INPP4B: variants seen among roughly 807,000 people sequenced by gnomAD.
The protein encoded by INPP4B is inositol polyphosphate 4-phosphatase type II.
Under a neutral mutation model 122.5 loss-of-function variants are expected in INPP4B, and 55 were observed. The ratio of observed to expected loss-of-function variants is 0.45; its 90% CI spans 0.36 to 0.56. The LOEUF is 0.56. Among genes scored for constraint, INPP4B ranks in the 20% least tolerant of loss-of-function variants. The probability of loss-of-function intolerance (pLI) is 0.00; values close to 1 mark genes in which losing one functional copy is unlikely to be tolerated. For synonymous variants in INPP4B, 403 were observed against 388.7 expected (o/e 1.04, Z -0.43); for missense variants, 1,000 against 1,097.7 (o/e 0.91, Z 1.26).
intron 7 of INPP4B, among the ~76,000 whole-genome samples, chr4:142,345,679 T>C (rs1780083756): frequency 6.6e-6 from 1 of 151,986 alleles, no homozygotes; most frequent in African/African-American, 2.4e-5. Context: ...TTAAGTGGTT[T>C]AATTCCCATA....
At chr4:142,360,115 C>T (rs1209676901) in intron 7 of INPP4B, among the ~76,000 whole-genome samples, 1 of 151,696 alleles carries the variant, frequency 6.6e-6, no homozygotes, top group East Asian at 1.9e-4. Flanking sequence ...TAATTTTAAC[C>T]ATAAAATGGC....
chr4:142,757,136 C>A (rs374932669), intron 1 of INPP4B, among the ~76,000 whole-genome samples: 47 of 152,126 alleles, frequency 3.1e-4, no homozygotes, highest in Admixed American at 1.2e-3. Flanking sequence ...GTTTTATGTT[C>A]ACAGCAGAAT....
intron 2 of INPP4B, among the ~76,000 whole-genome samples, chr4:142,694,304 CAG>C (rs943844746): frequency 6.7e-6 from 1 of 149,494 alleles, no homozygotes; most frequent in African/African-American, 2.5e-5. Context: ...ACCCAGGAAA[CAG>C]TGGTTGCAGT....
chr4:142,380,229 C>T (rs1002499125), intron 7 of INPP4B, among the ~76,000 whole-genome samples: 3 of 152,178 alleles, frequency 2.0e-5, no homozygotes, highest in African/African-American at 4.8e-5. Context: ...TGCAGATCTT[C>T]GCATTCCCTT....
At position 142,335,659 on chromosome 4, in the gene INPP4B, A is replaced by G. The variant is rs145674492; in HGVS notation, c.373-20897T>C. 4.3e-3 allele frequency among the ~76,000 whole-genome samples: 648 copies of G among 152,354 alleles called. 7 individuals are homozygous for G. Among genetic ancestry groups the G allele is most frequent in the African/African-American group, 0.015 (606 of 41,590 alleles). On this transcript the variant is annotated intron_variant, in intron 7 of 25. Coordinates refer to ENST00000262992, the MANE Select transcript of INPP4B (RefSeq NM_001101669.3). ...GTGACACTAAGCACCCTTAGGAGATAGGCAGAGTCAATCATCAAAGGGCAG... is the reference window on the plus strand; with the variant it reads ...GTGACACTAAGCACCCTTAGGAGATGGGCAGAGTCAATCATCAAAGGGCAG...
chr4:142,034,217 C>T (rs1056534791), intron 25 of INPP4B, among the ~76,000 whole-genome samples: 11 of 152,102 alleles, frequency 7.2e-5, no homozygotes, highest in African/African-American at 2.7e-4. Context: ...AGTTTACAAC[C>T]AAGTGATGTT....
chr4:142,551,431 G>A (rs1727956983), intron 2 of INPP4B, among the ~76,000 whole-genome samples: 1 of 152,140 alleles, frequency 6.6e-6, no homozygotes, highest in Non-Finnish European at 1.5e-5. Flanking sequence ...GAGAGGGAGG[G>A]TAAAGAGACA....
At chr4:142,191,800 AC>A (rs1835947557) in intron 15 of INPP4B, among the ~76,000 whole-genome samples, 1 of 152,218 alleles carries the variant, frequency 6.6e-6, no homozygotes, top group African/African-American at 2.4e-5. Context: ...CAAAAAGCAA[AC>A]AAAAATGAAC....
At chr4:142,617,710 T>C (rs1744018692) in intron 2 of INPP4B, among the ~76,000 whole-genome samples, 1 of 152,054 alleles carries the variant, frequency 6.6e-6, no homozygotes, top group African/African-American at 2.4e-5. Context: ...ACAGCACAGA[T>C]GAAAAGGGAG....
intron 2 of INPP4B, chr4:142,654,819 A>G (rs1753822813): frequency 6.6e-6 from 1 of 152,232 alleles, no homozygotes; most frequent in Non-Finnish European, 1.5e-5. Context: ...GGTGGTTAAA[A>G]TAGTAAATAA....
chr4:142,382,564 TTTATATA>T (rs1002638721), intron 7 of INPP4B, among the ~76,000 whole-genome samples: 7 of 111,770 alleles, frequency 6.3e-5, no homozygotes, highest in South Asian at 4.6e-4. Context: ...TACATTTATG[TTTATATA>T]TTATATATTA....
At chr4:142,553,488 C>T (rs1013230788) in intron 2 of INPP4B, among the ~76,000 whole-genome samples, 9 of 152,162 alleles carry the variant, frequency 5.9e-5, no homozygotes, top group African/African-American at 2.2e-4. Flanking sequence ...GATTACCCCA[C>T]ATGACAAGCC....
chr4:142,364,898 C>A (rs891870869), intron 7 of INPP4B, among the ~76,000 whole-genome samples: 1 of 152,094 alleles, frequency 6.6e-6, no homozygotes, highest in Admixed American at 6.6e-5. Flanking sequence ...CAAGGGACAA[C>A]TAACTGTACC....
chr4:142,357,446 G>C, intron 7 of INPP4B, among the ~76,000 whole-genome samples: 1 of 151,990 alleles, frequency 6.6e-6, no homozygotes, highest in Non-Finnish European at 1.5e-5. Flanking sequence ...TGTTGAGTGT[G>C]AGTGTGAATA....
intron 12 of INPP4B, among the ~76,000 whole-genome samples, chr4:142,213,397 T>C (rs1445330203): frequency 6.6e-6 from 1 of 152,168 alleles, no homozygotes; most frequent in Admixed American, 6.5e-5. Context: ...AGGGAGGCCA[T>C]GTCCTGGGTC....
intron 2 of INPP4B, among the ~76,000 whole-genome samples, chr4:142,619,292 G>T (rs1744374442): frequency 6.6e-6 from 1 of 151,956 alleles, no homozygotes; most frequent in Non-Finnish European, 1.5e-5. Context: ...CCACTCCCAT[G>T]CTCACTGAGC....
At chr4:142,229,874 A>G (rs1224712367) in intron 12 of INPP4B, among the ~76,000 whole-genome samples, 2 of 152,204 alleles carry the variant, frequency 1.3e-5, no homozygotes, top group African/African-American at 4.8e-5. Context: ...AAAATTCTAA[A>G]TTACTGCTAA....
At chr4:142,552,048 A>G (rs1486359211) in intron 2 of INPP4B, among the ~76,000 whole-genome samples, 1 of 152,188 alleles carries the variant, frequency 6.6e-6, no homozygotes, top group Non-Finnish European at 1.5e-5. Flanking sequence ...CAATTGACTC[A>G]GCATCAACCA....
At chr4:142,370,282 C>T (rs1384879930) in intron 7 of INPP4B, among the ~76,000 whole-genome samples, 1 of 152,146 alleles carries the variant, frequency 6.6e-6, no homozygotes, top group Non-Finnish European at 1.5e-5. Context: ...TACTGACCCA[C>T]TCTCATGAAG....
Sources: allele counts gnomAD v4.1 joint callset (sites outside exome capture counted in the v4.1 genomes callset), GRCh38; gene constraint gnomAD v4.1.1; transcripts MANE v1.5; gene names NCBI Gene and HGNC (gene_info 2026-07-23, HGNC 2026-07-21).